Variants in PRKAG2 observed in about 807,000 individuals in gnomAD.
The protein encoded by PRKAG2 is 5'-AMP-activated protein kinase subunit gamma-2.
A neutral mutation model predicts 69.6 loss-of-function variants in PRKAG2; 26 were observed. The observed-to-expected ratio is 0.37, with a 90% CI of 0.27 to 0.52. The LOEUF (loss-of-function observed/expected upper bound fraction) is 0.52, where lower values mean the gene tolerates loss of function less well. Among genes scored for constraint, PRKAG2 ranks in the 20% least tolerant of loss-of-function variants. The pLI, the probability that PRKAG2 is intolerant of heterozygous loss-of-function variation, is 0.90. For missense variants in PRKAG2, 557 were observed against 740.0 expected (o/e 0.75, Z 2.87); for synonymous variants, 293 against 285.0 (o/e 1.03, Z -0.28).
At chr7:151,569,289 C>T (rs984333560) in intron 10 of PRKAG2, among the ~76,000 whole-genome samples, 1 of 152,234 alleles carries the variant, frequency 6.6e-6, no homozygotes, top group African/African-American at 2.4e-5. Flanking sequence ...CCCACCATGG[C>T]CTCCCATAGT....
intron 6 of PRKAG2, among the ~76,000 whole-genome samples, chr7:151,588,812 C>T (rs995652911): frequency 1.3e-5 from 2 of 152,184 alleles, no homozygotes; most frequent in African/African-American, 2.4e-5. Flanking sequence ...ATCTCTTTTC[C>T]TTTATAAATT....
intron 6 of PRKAG2, among the ~76,000 whole-genome samples, chr7:151,587,428 G>A (rs1811953253): frequency 6.6e-6 from 1 of 152,122 alleles, no homozygotes; most frequent in African/African-American, 2.4e-5. Flanking sequence ...CTAAGTGTGG[G>A]CTGTACGTGG....
chr7:151,726,648 C>T (rs761453799), intron 3 of PRKAG2, among the ~76,000 whole-genome samples: 161 of 152,170 alleles, frequency 1.1e-3, no homozygotes, highest in Non-Finnish European at 1.7e-3. Context: ...AACTTCAACG[C>T]CGCACGCAGG....
intron 1 of PRKAG2, among the ~76,000 whole-genome samples, chr7:151,791,484 G>C (rs1327479615): frequency 2.6e-5 from 4 of 152,218 alleles, no homozygotes; most frequent in Non-Finnish European, 4.4e-5. Context: ...ACAGGACTGG[G>C]AGGACATTTA....
At chr7:151,824,568 C>T (rs921817562) in intron 1 of PRKAG2, among the ~76,000 whole-genome samples, 4 of 152,120 alleles carry the variant, frequency 2.6e-5, no homozygotes, top group Non-Finnish European at 5.9e-5. Context: ...TGGCTGTGTG[C>T]CTTGCATTTC....
intron 3 of PRKAG2, among the ~76,000 whole-genome samples, chr7:151,748,983 T>C (rs2074485618): frequency 6.6e-6 from 1 of 152,196 alleles, no homozygotes; most frequent in Admixed American, 6.5e-5. Flanking sequence ...TTAGGCAACA[T>C]GGGGCTGGCC....
intron 1 of PRKAG2, among the ~76,000 whole-genome samples, chr7:151,811,996 G>A (rs976394516): frequency 6.6e-6 from 1 of 152,150 alleles, no homozygotes; most frequent in African/African-American, 2.4e-5. Flanking sequence ...AAATCTCCCA[G>A]GATCATCATG....
chr7:151,721,090 G>A (rs1363401045), intron 3 of PRKAG2, among the ~76,000 whole-genome samples: 3 of 149,038 alleles, frequency 2.0e-5, no homozygotes, highest in Non-Finnish European at 4.5e-5. Flanking sequence ...AGGGGACACA[G>A]AGGGCAGAGG....
chr7:151,867,674 T>G (rs983205981), intron 1 of PRKAG2, among the ~76,000 whole-genome samples: 1 of 152,108 alleles, frequency 6.6e-6, no homozygotes, highest in Non-Finnish European at 1.5e-5. Flanking sequence ...TTTTGGAGAA[T>G]CCAATTCCAT....
intron 8 of PRKAG2, among the ~76,000 whole-genome samples, chr7:151,574,097 A>T (rs1465431698): frequency 6.6e-6 from 1 of 152,204 alleles, no homozygotes; most frequent in Non-Finnish European, 1.5e-5. Flanking sequence ...TTTTATGAAG[A>T]AACTCATTTT....
intron 1 of PRKAG2, among the ~76,000 whole-genome samples, chr7:151,870,153 ATAGG>A (rs1563769202): frequency 1.7e-5 from 2 of 115,424 alleles, no homozygotes; most frequent in Non-Finnish European, 3.7e-5. Flanking sequence ...AGATAGATAG[ATAGG>A]CAGGCAGGCA....
At chr7:151,694,193 A>G (rs1172366302) in intron 3 of PRKAG2, among the ~76,000 whole-genome samples, 1 of 152,218 alleles carries the variant, frequency 6.6e-6, no homozygotes, top group Non-Finnish European at 1.5e-5. Flanking sequence ...GTTCTTTATA[A>G]GCCACCCAGT....
At chr7:151,852,368 G>C (rs1362467692) in intron 1 of PRKAG2, among the ~76,000 whole-genome samples, 1 of 152,146 alleles carries the variant, frequency 6.6e-6, no homozygotes, top group East Asian at 1.9e-4. Context: ...GGTAGCACAC[G>C]CATGTAATCC....
chr7:151,611,108 A>AT (rs375584883), intron 5 of PRKAG2, among the ~76,000 whole-genome samples: 74 of 152,234 alleles, frequency 4.9e-4, no homozygotes, highest in African/African-American at 1.8e-3. Flanking sequence ...TAAATAAGTC[A>AT]TTTTTTATAT....
In PRKAG2 at chr7:151,632,200, G is replaced by C; in HGVS notation, c.685-62C>G. ...TGCGACGCTCGTCCCCGGCCGGCGG[G>C]CTCGCGGCCGGCCGAGCGCTGGGGC... On this transcript the variant is annotated intron_variant, in intron 4 of 15. Transcript: ENST00000287878. The surrounding 1 kb of genome is among the most constrained non-coding windows in gnomAD (Gnocchi z 4.2). 6 of 1,175,172 alleles carry C rather than the reference G, an allele frequency of 5.1e-6. No individual in the cohort carries two copies. The highest frequency in any genetic ancestry group is 1.6e-5 in the African/African-American group (1 of 61,906). 72.8% of individuals were successfully genotyped at this position (1,175,172 alleles called of 1,614,324 possible).
chr7:151,756,219 G>A lies in PRKAG2; in HGVS notation c.466+24933C>T, dbSNP rs912090260. ...GAAAGTGAGGAGTAAAATGACTCAC[G>A]TACAGGTCATGTGAGCAATGCCCCA... On this transcript the variant is annotated intron_variant, in intron 3 of 15. Coordinates refer to ENST00000287878, the MANE Select transcript of PRKAG2 (RefSeq NM_016203.4). The surrounding 1 kb of genome is among the most constrained non-coding windows in gnomAD (Gnocchi z 4.9). 5.3e-5 allele frequency among the ~76,000 whole-genome samples: 8 copies of A among 152,106 alleles called. No homozygotes were observed. The highest frequency in any genetic ancestry group is 7.4e-5 in the Non-Finnish European group (5 of 68,008).
intron 3 of PRKAG2, among the ~76,000 whole-genome samples, chr7:151,727,248 TACTCAA>T (rs1798137434): frequency 6.6e-6 from 1 of 151,778 alleles, no homozygotes; most frequent in African/African-American, 2.4e-5. Flanking sequence ...ACAAAACCGA[TACTCAA>T]TGGTATTTGG....
chr7:151,782,795 G>A (rs1031699610), intron 2 of PRKAG2, among the ~76,000 whole-genome samples: 3 of 152,206 alleles, frequency 2.0e-5, no homozygotes, highest in African/African-American at 7.2e-5. Flanking sequence ...GTGAGGCCAG[G>A]AAGCACACGG....
chr7:151,857,734 C>A (rs758191523), intron 1 of PRKAG2, among the ~76,000 whole-genome samples: 1 of 152,232 alleles, frequency 6.6e-6, no homozygotes, highest in African/African-American at 2.4e-5. Flanking sequence ...TGGGAGCGCT[C>A]GCTCTCTTTG....
Sources: allele counts gnomAD v4.1 joint callset (sites outside exome capture counted in the v4.1 genomes callset), GRCh38; gene constraint gnomAD v4.1.1; non-coding constraint Gnocchi (gnomAD v3.1); transcripts MANE v1.5; gene names NCBI Gene and HGNC (gene_info 2026-07-23, HGNC 2026-07-21).